KLHL22: variants seen among roughly 807,000 people sequenced by gnomAD.
KLHL22 encodes kelch-like protein 22.
A neutral mutation model predicts 60.7 loss-of-function variants in KLHL22; 18 were observed. That is an observed-to-expected ratio of 0.30 (90% confidence interval 0.20 to 0.44). KLHL22 has a LOEUF of 0.44. Ranked by LOEUF, KLHL22 falls within the 20% of genes least tolerant of loss-of-function variation. The pLI is 1.00. For synonymous variants in KLHL22, 355 were observed against 354.5 expected (o/e 1.00, Z -0.01); for missense variants, 596 against 852.3 (o/e 0.70, Z 3.74).
At chr22:20,447,065 C>G (rs1037467536) in intron 5 of KLHL22, among the ~76,000 whole-genome samples, 2 of 152,228 alleles carry the variant, frequency 1.3e-5, no homozygotes, top group Non-Finnish European at 2.9e-5. Flanking sequence ...TCCCCCACTC[C>G]CACTGGACAT....
chr22:20,466,165 G>C lies in KLHL22; in HGVS notation c.394-589C>G, dbSNP rs768967549. Among the ~76,000 whole-genome samples, 120 of 151,998 alleles carry C rather than the reference G, an allele frequency of 7.9e-4. 2 individuals are homozygous for C. Among genetic ancestry groups the C allele is most frequent in the Non-Finnish European group, 3.2e-4 (22 of 68,012 alleles). On this transcript the variant is annotated intron_variant, in intron 3 of 6. Transcript: ENST00000328879. The stretch of plus-strand genomic sequence containing the variant: ...ACAAGGTGGGTGTATCACGAGGTCA[G>C]GAGTTTGAGACCAGCCTGACCAACA...
At chr22:20,470,185 T>C (rs111231841) in intron 3 of KLHL22, among the ~76,000 whole-genome samples, 6 of 137,946 alleles carry the variant, frequency 4.3e-5, no homozygotes, top group Non-Finnish European at 6.7e-5. Flanking sequence ...TAAAAAAATA[T>C]ATATATATAT....
intron 5 of KLHL22, among the ~76,000 whole-genome samples, chr22:20,447,668 G>A (rs1318929745): frequency 2.0e-5 from 3 of 150,080 alleles, no homozygotes; most frequent in African/African-American, 7.3e-5. Context: ...TCAGCTTCCC[G>A]AGTAGCTGGG....
chr22:20,481,403 CTCTT>C (rs1031646952), intron 2 of KLHL22: 3 of 151,892 alleles, frequency 2.0e-5, no homozygotes, highest in Non-Finnish European at 4.4e-5. Context: ...GAAACCCTGT[CTCTT>C]TCAAAAAATA....
intron 1 of KLHL22, 90 bp from the exon 2 acceptor site, chr22:20,489,334 T>G: frequency 1.1e-6 from 1 of 890,304 alleles, no homozygotes; most frequent in South Asian, 1.5e-5. Context: ...CTCCCCTTGC[T>G]CCTGTGCCTC....
intron 2 of KLHL22, chr22:20,483,678 AT>A: frequency 1.4e-6 from 1 of 731,298 alleles, no homozygotes; most frequent in Non-Finnish European, 2.5e-6. Context: ...TGTCCACAGT[AT>A]TTGCAAAGAT....
At chr22:20,472,824 GAGA>G (rs1245436882) in intron 2 of KLHL22, among the ~76,000 whole-genome samples, 1 of 152,190 alleles carries the variant, frequency 6.6e-6, no homozygotes, top group Non-Finnish European at 1.5e-5. Context: ...GTGGAATGAT[GAGA>G]AGGAGCAGGG....
At chr22:20,491,799 C>T (rs903013167) in intron 1 of KLHL22, 6 of 152,232 alleles carry the variant, frequency 3.9e-5, no homozygotes, top group African/African-American at 1.4e-4. Context: ...CCCCCAACCC[C>T]ATCCCCTGGA....
intron 2 of KLHL22, among the ~76,000 whole-genome samples, chr22:20,485,670 C>G (rs551278159): frequency 6.6e-6 from 1 of 151,952 alleles, no homozygotes; most frequent in South Asian, 2.1e-4. Flanking sequence ...GAGTTGGAGA[C>G]CAGCCTGGCC....
chr22:20,450,063 A>T (rs3810601), intron 5 of KLHL22: 242,965 of 705,958 alleles, frequency 0.34, 43,205 homozygotes, highest in East Asian at 0.47. Context: ...GCTGTGTGGG[A>T]TCAGAAGCAG....
In KLHL22 at chr22:20,446,523, C is replaced by T. The variant is rs772980153; in HGVS notation, c.1459G>A (p.Gly487Ser). ...ADGPVRRAWH[G>S]MATLLNKLYV... The stretch of plus-strand genomic sequence containing the variant: ...AGCTTGTTGAGGAGGGTTGCCATGC[C>T]GTGCCAGGCGCGCCGCACAGGCCCA... The change falls in exon 6 of 7, where the codon GGC becomes AGC. Residue 487 changes from glycine to serine, a missense_variant. Coordinates refer to ENST00000328879, the MANE Select transcript of KLHL22 (RefSeq NM_032775.4). 8 of 1,613,386 alleles carry T rather than the reference C, an allele frequency of 5.0e-6. No homozygotes were observed. Among genetic ancestry groups the T allele is most frequent in the Admixed American group, 1.7e-5 (1 of 60,012 alleles).
chr22:20,453,540 C>T (rs1792126566), intron 5 of KLHL22, among the ~76,000 whole-genome samples: 2 of 152,116 alleles, frequency 1.3e-5, no homozygotes, highest in Admixed American at 1.3e-4. Flanking sequence ...CATACCACAG[C>T]CTTGATTACT....
chr22:20,495,037 C>T lies in KLHL22; in HGVS notation c.-34+723G>A, dbSNP rs1165889101. Among the ~76,000 whole-genome samples, 1 of 152,158 alleles carries T rather than the reference C, an allele frequency of 6.6e-6. No individual in the cohort carries two copies. The highest frequency in any genetic ancestry group is 1.5e-5 in the Non-Finnish European group (1 of 68,034). ...TGCTGATTCCCAGCGGGGCAGCCTT[C>T]CAAAGGGTGCGCTCTGGAAGAATCT... On this transcript the variant is annotated intron_variant, in intron 1 of 6. Coordinates refer to ENST00000328879, the MANE Select transcript of KLHL22 (RefSeq NM_032775.4). The surrounding 1 kb of genome is among the most constrained non-coding windows in gnomAD (Gnocchi z 4.6).
intron 2 of KLHL22, among the ~76,000 whole-genome samples, chr22:20,480,462 C>A (rs1322607281): frequency 6.6e-6 from 1 of 152,196 alleles, no homozygotes; most frequent in African/African-American, 2.4e-5. Flanking sequence ...GCCATCTCTA[C>A]TGCTGGTGCC....
At chr22:20,482,680 C>T in intron 2 of KLHL22, 1 of 546,894 alleles carries the variant, frequency 1.8e-6, no homozygotes, top group Non-Finnish European at 3.3e-6. Flanking sequence ...TCAAGCGGTA[C>T]TTCTGCCTCA....
intron 6 of KLHL22, among the ~76,000 whole-genome samples, chr22:20,442,975 A>C (rs544460725): frequency 9.9e-5 from 15 of 152,268 alleles, no homozygotes; most frequent in Non-Finnish European, 1.6e-4. Context: ...CTTGTCTTCA[A>C]AATTGTCCAA....
chr22:20,485,315 AAAGT>A (rs768783990), intron 2 of KLHL22, among the ~76,000 whole-genome samples: 2 of 152,178 alleles, frequency 1.3e-5, no homozygotes, highest in African/African-American at 4.8e-5. Context: ...CAGGGGAGCC[AAAGT>A]AAGTGTGCAA....
intron 4 of KLHL22, among the ~76,000 whole-genome samples, chr22:20,463,735 C>A (rs2053189346): frequency 6.6e-6 from 1 of 152,206 alleles, no homozygotes; most frequent in Non-Finnish European, 1.5e-5. Context: ...GAAACCTGCC[C>A]TTCCTCATAT....
At chr22:20,493,962 C>G (rs976925627) in intron 1 of KLHL22, among the ~76,000 whole-genome samples, 1 of 151,778 alleles carries the variant, frequency 6.6e-6, no homozygotes, top group Admixed American at 6.6e-5. Flanking sequence ...ACTGGGAAGG[C>G]TGAGGAAGGG....
Sources: allele counts gnomAD v4.1 joint callset (sites outside exome capture counted in the v4.1 genomes callset), GRCh38; gene constraint gnomAD v4.1.1; non-coding constraint Gnocchi (gnomAD v3.1); transcripts MANE v1.5; gene names NCBI Gene and HGNC (gene_info 2026-07-23, HGNC 2026-07-21).